SGIP1: variants seen among roughly 807,000 people sequenced by gnomAD.
The protein encoded by SGIP1 is SH3-containing GRB2-like protein 3-interacting protein 1.
In SGIP1, 38 loss-of-function variants were observed where a neutral mutation model predicts 107.5. That is an observed-to-expected ratio of 0.35 (90% CI 0.27 to 0.46). SGIP1 has a LOEUF of 0.46. SGIP1 is among the 20% of genes least tolerant of loss of function. SGIP1 has a pLI of 1.00. For missense variants in SGIP1, 929 were observed against 1,019.5 expected, an observed-to-expected ratio of 0.91 and a Z score of 1.21; for synonymous variants, 365 against 366.1, an observed-to-expected ratio of 1.00 and a Z score of 0.03.
At chr1:66,571,492 G>A (rs551187820) in intron 1 of SGIP1, among the ~76,000 whole-genome samples, 5 of 151,984 alleles carry the variant, frequency 3.3e-5, no homozygotes, top group Admixed American at 6.6e-5. Flanking sequence ...AAATTCAGAT[G>A]CACATATCTA....
intron 2 of SGIP1, among the ~76,000 whole-genome samples, chr1:66,630,861 A>AGAGAG (rs2074236642): frequency 2.6e-5 from 1 of 37,840 alleles, no homozygotes; most frequent in East Asian, 2.6e-3. Context: ...GAAAGAAAGA[A>AGAGAG]AGAAAGAAAG....
rs768667281 is a variant in SGIP1, at chr1:66,673,309, C to T, written c.589C>T (p.Leu197Phe). Reference protein sequence around the residue: ...SKKPPDDTTALAPLFGPPLES... With the variant: ...SKKPPDDTTAFAPLFGPPLES... ...AAAGCCTCCAGATGACACTACGGCC[C>T]TTGCTCCTCTCTTTGGCCCACCACT... Residue 197 changes from leucine to phenylalanine, a missense_variant, in exon 12 of 25, where the codon CTT becomes TTT. Around this residue, in one of 2 missense-constraint regions of SGIP1, gnomAD observed 588 missense variants for 588.6 expected, o/e 1.00. Transcript: ENST00000371037. The T allele has an allele frequency of 3.2e-5, 51 of 1,613,860 alleles. No individual in the cohort carries two copies. The highest frequency in any genetic ancestry group is 4.1e-5 in the Non-Finnish European group (48 of 1,179,946).
chr1:66,671,117 G>C lies in SGIP1; in HGVS notation c.508+98G>C, dbSNP rs575744781. The C allele has an allele frequency of 7.2e-6, 4 of 553,626 alleles. No individual in the cohort carries two copies. In the African/African-American group the frequency reaches 7.7e-5, roughly 11 times the overall value. 34.3% of individuals were successfully genotyped at this position (553,626 alleles called of 1,614,324 possible). A position where few individuals can be genotyped will look rare whatever the true frequency, so the allele number is the denominator to read the frequency against. ...ATGTACATATGAATTATACATTCCT[G>C]GGCTTAATTTTTAAGACTTACAATT... is the stretch of plus-strand genomic sequence containing the variant. On this transcript the variant is annotated intron_variant, in intron 10 of 24. Transcript: ENST00000371037.
intron 17 of SGIP1, among the ~76,000 whole-genome samples, chr1:66,693,286 A>ATAAATAAATAAAT (rs1557652698): frequency 1.3e-5 from 2 of 150,696 alleles, no homozygotes; most frequent in Non-Finnish European, 3.0e-5. Flanking sequence ...AAATAAATAA[A>ATAAATAAATAAAT]AAACAGTAAT....
At chr1:66,535,450 T>C (rs1173151161) in intron 1 of SGIP1, among the ~76,000 whole-genome samples, 1 of 152,196 alleles carries the variant, frequency 6.6e-6, no homozygotes, top group Non-Finnish European at 1.5e-5. Flanking sequence ...CCTTAGAAAT[T>C]TACCAAAATG....
chr1:66,673,473 T>C (rs1354301250), intron 12 of SGIP1, 107 bp downstream of exon 12: 5 of 1,040,942 alleles, frequency 4.8e-6, no homozygotes, highest in Non-Finnish European at 6.6e-6. Context: ...AATATATTAT[T>C]TTCGTGGGAA....
At chr1:66,640,724 G>A (rs2076621519) in intron 5 of SGIP1, among the ~76,000 whole-genome samples, 1 of 150,836 alleles carries the variant, frequency 6.6e-6, no homozygotes, top group African/African-American at 2.4e-5. Context: ...TCTAAATGCA[G>A]CGAGAAGCCA....
chr1:66,541,065 A>G (rs1005105379), intron 1 of SGIP1, among the ~76,000 whole-genome samples: 3 of 152,198 alleles, frequency 2.0e-5, no homozygotes, highest in Non-Finnish European at 4.4e-5. Context: ...TTATTAGTTT[A>G]ATTTTTCTCT....
In SGIP1 at chr1:66,535,352, T is replaced by A. The variant is rs114076598; in HGVS notation, c.10+984T>A. Among the ~76,000 whole-genome samples, 352 of 152,290 alleles carry A rather than the reference T, an allele frequency of 2.3e-3. 3 individuals are homozygous for A. The highest frequency in any genetic ancestry group is 7.8e-3 in the African/African-American group (325 of 41,542). Reference sequence around the variant, plus strand: ...CAGCCTGGATTTCACAATGCAGAATTGAGTGCATAATGGGTCTCAAATCAG... The same window carrying A: ...CAGCCTGGATTTCACAATGCAGAATAGAGTGCATAATGGGTCTCAAATCAG... On this transcript the variant is annotated intron_variant, in intron 1 of 24. Coordinates refer to ENST00000371037, the MANE Select transcript of SGIP1 (RefSeq NM_032291.4).
chr1:66,691,463 A>C (rs1337447365), intron 17 of SGIP1, among the ~76,000 whole-genome samples: 3 of 152,184 alleles, frequency 2.0e-5, no homozygotes, highest in Non-Finnish European at 4.4e-5. Flanking sequence ...AAGTTTGGTG[A>C]AAATAGAGCC....
At chr1:66,695,719 G>T (rs2090774596) in intron 18 of SGIP1, among the ~76,000 whole-genome samples, 1 of 152,096 alleles carries the variant, frequency 6.6e-6, no homozygotes, top group Non-Finnish European at 1.5e-5. Context: ...AAGCTAATTT[G>T]CAGTTAATAT....
intron 5 of SGIP1, among the ~76,000 whole-genome samples, chr1:66,641,224 C>T (rs2076736191): frequency 6.6e-6 from 1 of 152,000 alleles, no homozygotes; most frequent in Non-Finnish European, 1.5e-5. Flanking sequence ...ATAAAAAGGG[C>T]AACTATGGAA....
Position 66,660,201 on chromosome 1 carries a change from A to G in SGIP1, c.460-312A>G, listed in dbSNP as rs867300111. The G allele has an allele frequency of 3.7e-5, 8 of 217,190 alleles. 1 individual carries two copies. Among genetic ancestry groups the G allele is most frequent in the East Asian group, 1.3e-4 (1 of 7,940 alleles). The allele number at this position is 217,190 out of a possible 1,614,324, so 13.5% of individuals were successfully genotyped here. A position where few individuals can be genotyped will look rare whatever the true frequency, so the allele number is the denominator to read the frequency against. On this transcript the variant is annotated intron_variant, in intron 7 of 24. Transcript: ENST00000371037. ...AAAGAAAGAAAGAAAGAAAGAAAGA[A>G]AGAAAGAAAGAAAGAGAAAGAAAGA...
At chr1:66,562,699 C>T (rs1009378549) in intron 1 of SGIP1, among the ~76,000 whole-genome samples, 1 of 152,052 alleles carries the variant, frequency 6.6e-6, no homozygotes, top group Non-Finnish European at 1.5e-5. Flanking sequence ...TGCCCCTGGG[C>T]AGAGCCAAGG....
intron 1 of SGIP1, chr1:66,590,469 G>C (rs974632671): frequency 1.3e-5 from 2 of 152,082 alleles, no homozygotes; most frequent in Admixed American, 6.6e-5. Context: ...ACTTTTTACA[G>C]AGATGTGGCC....
intron 1 of SGIP1, among the ~76,000 whole-genome samples, chr1:66,601,313 C>A (rs772503215): frequency 2.6e-5 from 4 of 152,046 alleles, no homozygotes; most frequent in Non-Finnish European, 2.9e-5. Context: ...TGCAGTGAGC[C>A]GAGATCGCGC....
At chr1:66,675,890 G>A (rs1163794772) in intron 12 of SGIP1, among the ~76,000 whole-genome samples, 1 of 151,978 alleles carries the variant, frequency 6.6e-6, no homozygotes, top group Non-Finnish European at 1.5e-5. Flanking sequence ...ATGTATTTTA[G>A]AGTTAAAAGT....
intron 15 of SGIP1, among the ~76,000 whole-genome samples, chr1:66,688,531 A>G (rs1002023763): frequency 1.3e-5 from 2 of 152,254 alleles, no homozygotes; most frequent in Admixed American, 1.3e-4. Flanking sequence ...CTCTAAATTC[A>G]GTGCATGTCT....
chr1:66,679,620 T>C (rs1474652203), intron 13 of SGIP1, 58 bp from the exon 14 acceptor site: 5 of 1,534,992 alleles, frequency 3.3e-6, no homozygotes, highest in Non-Finnish European at 4.4e-6. Context: ...ATTTAAAGTG[T>C]ATTGTATGAC....
Sources: gnomAD v4.1 joint callset for allele counts (sites outside exome capture counted in the v4.1 genomes callset) on GRCh38, gnomAD v4.1.1 for gene constraint, gnomAD v4.1.1 regional missense constraint, MANE v1.5 for transcripts, NCBI Gene and HGNC (gene_info 2026-07-23, HGNC 2026-07-21) for gene names.